CDH19: variants seen among roughly 807,000 people sequenced by gnomAD.
CDH19 encodes cadherin-19.
A neutral mutation model predicts 64.2 loss-of-function variants in CDH19; 67 were observed. The ratio of observed to expected loss-of-function variants is 1.04; its 90% CI spans 0.86 to 1.28. CDH19 has a LOEUF of 1.28. Ranked by LOEUF, CDH19 falls within the 50% of genes most tolerant of loss-of-function variation. CDH19 has a pLI of 0.00. For synonymous variants in CDH19, 346 were observed against 319.3 expected (o/e 1.08, Z -0.89); for missense variants, 1,030 against 929.0 (o/e 1.11, Z -1.41).
At chr18:66,511,794 G>A in intron 9 of CDH19, 109 bp from the exon 10 acceptor site, 1 of 668,110 alleles carries the variant, frequency 1.5e-6, no homozygotes, top group East Asian at 2.8e-5. Flanking sequence ...AATCAATAGG[G>A]ACATTGCAGA....
At chr18:66,548,005 GTAATA>G (rs1987193392) in intron 5 of CDH19, among the ~76,000 whole-genome samples, 2 of 147,014 alleles carry the variant, frequency 1.4e-5, no homozygotes, top group Admixed American at 6.9e-5. Flanking sequence ...TATTATATAT[GTAATA>G]TATGTGCATT....
At chr18:66,533,684 A>G (rs926922702) in intron 8 of CDH19, among the ~76,000 whole-genome samples, 1 of 152,040 alleles carries the variant, frequency 6.6e-6, no homozygotes, top group Non-Finnish European at 1.5e-5. Context: ...TAATTTGGGA[A>G]GCTTTCCAGA....
chr18:66,548,908 A>T (rs1273662998), intron 5 of CDH19, among the ~76,000 whole-genome samples: 1 of 152,182 alleles, frequency 6.6e-6, no homozygotes, highest in Non-Finnish European at 1.5e-5. Flanking sequence ...TTTCGATGTG[A>T]TAGATATGAA....
At chr18:66,543,386 C>G (rs1200252841) in intron 7 of CDH19, among the ~76,000 whole-genome samples, 3 of 152,008 alleles carry the variant, frequency 2.0e-5, no homozygotes, top group Non-Finnish European at 4.4e-5. Flanking sequence ...TTTTAAAAAA[C>G]GATTGTTTTC....
intron 5 of CDH19, among the ~76,000 whole-genome samples, chr18:66,548,767 A>G (rs1205945246): frequency 6.6e-6 from 1 of 152,208 alleles, no homozygotes; most frequent in East Asian, 1.9e-4. Context: ...TATGAACAAT[A>G]TTTTAAATAA....
intron 10 of CDH19, among the ~76,000 whole-genome samples, chr18:66,510,070 C>A (rs576342591): frequency 1.3e-5 from 2 of 151,902 alleles, no homozygotes; most frequent in South Asian, 4.1e-4. Context: ...TCTTGTACCT[C>A]AGAACTGTAT....
At chr18:66,505,425 T>A (rs1209475070) in intron 11 of CDH19, 123 bp from the exon 12 acceptor site, 11 of 750,758 alleles carry the variant, frequency 1.5e-5, no homozygotes, top group Non-Finnish European at 2.0e-5. Context: ...AACAAAAAGA[T>A]ACATTTGTTA....
At chr18:66,513,985 G>C (rs1598969386) in intron 9 of CDH19, among the ~76,000 whole-genome samples, 1 of 151,508 alleles carries the variant, frequency 6.6e-6, no homozygotes, top group East Asian at 1.9e-4. Flanking sequence ...GAATTGAAAA[G>C]TAACTACAAT....
chr18:66,566,106 A>C (rs1987900070), intron 3 of CDH19, among the ~76,000 whole-genome samples: 1 of 151,914 alleles, frequency 6.6e-6, no homozygotes, highest in Non-Finnish European at 1.5e-5. Flanking sequence ...ACTCTGTAAA[A>C]TGGCAGTATT....
chr18:66,533,286 T>G (rs1390869389), intron 8 of CDH19, among the ~76,000 whole-genome samples: 1 of 151,910 alleles, frequency 6.6e-6, no homozygotes, highest in African/African-American at 2.4e-5. Context: ...TTTATCATTT[T>G]GAGACTTTTC....
rs71906099 is a variant in CDH19, at chr18:66,532,490, A to ACACACACACACG, written c.1336+2495_1336+2496insCGTGTGTGTGTG. ...TCCTTCCTTTTCTCAGAGCATTCAT[A>ACACACACACACG]CACACACACACACACACACACACAC... is the stretch of plus-strand genomic sequence containing the variant. On this transcript the variant is annotated intron_variant, in intron 8 of 11. Coordinates refer to ENST00000262150, the MANE Select transcript of CDH19 (RefSeq NM_021153.4). 7 of 72,844 alleles carry ACACACACACACG rather than the reference A, an allele frequency of 9.6e-5. No individual in the cohort carries two copies. The African/African-American group carries it at 1.5e-3, about 15-fold the overall frequency. 4.5% of individuals were successfully genotyped at this position (72,844 alleles called of 1,614,324 possible).
chr18:66,568,705 T>C lies in CDH19; in HGVS notation c.201A>G (p.Arg67=). 6.3e-7 allele frequency: 1 copy of C among 1,594,598 alleles called. No homozygotes were observed. Among genetic ancestry groups the C allele is most frequent in the Non-Finnish European group, 8.5e-7 (1 of 1,172,340 alleles). Residue 67 remains arginine, a synonymous_variant, in exon 3 of 12, where the codon AGA becomes AGG. Coordinates refer to ENST00000262150, the MANE Select transcript of CDH19 (RefSeq NM_021153.4). ...AATTGTTTCCATTGTCTAAATCAGA[T>C]CTTAGCTGCAAATGGAAAGAGGGAT... ...NTTSHHIGQL[R]SDLDNGNNSF...
In CDH19 at chr18:66,600,303, T is replaced by C. The variant is rs1404044596; in HGVS notation, c.-113+3651A>G. The stretch of plus-strand genomic sequence containing the variant: ...TAAAATAATTCCTTACTTTATTTTT[T>C]AAAAATCTGGCAACCCTAAAGTTCT... On this transcript the variant is annotated intron_variant, in intron 1 of 11. Transcript: ENST00000262150. 7.2e-5 allele frequency among the ~76,000 whole-genome samples: 11 copies of C among 152,002 alleles called. No homozygotes were observed. In the East Asian group the frequency reaches 2.1e-3, roughly 29 times the overall value.
At position 66,600,811 on chromosome 18, in the gene CDH19, T is replaced by G. The variant is rs1342353045; in HGVS notation, c.-113+3143A>C. On this transcript the variant is annotated intron_variant, in intron 1 of 11. Transcript: ENST00000262150. ...ATTTGGAGTCAAATCCTCATATGCC[T>G]ACAGGGTTGGGTTATTCTATAAGCA... is the stretch of plus-strand genomic sequence containing the variant. Among the ~76,000 whole-genome samples, 7 of 151,966 alleles carry G rather than the reference T, an allele frequency of 4.6e-5. No homozygotes were observed. The East Asian group carries it at 1.2e-3, about 25-fold the overall frequency.
intron 4 of CDH19, among the ~76,000 whole-genome samples, chr18:66,552,351 T>C (rs954259401): frequency 6.6e-6 from 1 of 152,080 alleles, no homozygotes; most frequent in Non-Finnish European, 1.5e-5. Flanking sequence ...AATGGTAGTA[T>C]TTTTGATTTA....
intron 2 of CDH19, among the ~76,000 whole-genome samples, chr18:66,571,308 C>A (rs556129278): frequency 6.6e-6 from 1 of 151,632 alleles, no homozygotes; most frequent in Non-Finnish European, 1.5e-5. Context: ...AGTGCTTCAC[C>A]CTTTGGGCCC....
At chr18:66,548,261 AT>A (rs1190781687) in intron 5 of CDH19, among the ~76,000 whole-genome samples, 1,927 of 71,266 alleles carry the variant, frequency 0.027, 56 homozygotes, top group African/African-American at 0.083. Flanking sequence ...ATATATATAT[AT>A]TTTTTTAAAA....
chr18:66,593,237 T>G (rs770592675), intron 1 of CDH19, among the ~76,000 whole-genome samples: 3 of 151,890 alleles, frequency 2.0e-5, no homozygotes, highest in Non-Finnish European at 1.5e-5. Context: ...GCAAAATAAA[T>G]AGGAATTGTA....
rs1984973509 is a variant in CDH19, at chr18:66,502,181, TC to T, written c.*2630del. 1 of 152,042 alleles carries T rather than the reference TC, an allele frequency of 6.6e-6. No homozygotes were observed. The highest frequency in any genetic ancestry group is 1.5e-5 in the Non-Finnish European group (1 of 67,968). 9.4% of individuals were successfully genotyped at this position (152,042 alleles called of 1,614,324 possible). A position where few individuals can be genotyped will look rare whatever the true frequency, so the allele number is the denominator to read the frequency against. On this transcript the variant is annotated 3_prime_UTR_variant, in exon 12 of 12. Transcript: ENST00000262150. The stretch of plus-strand genomic sequence containing the variant: ...TATTGAATATAATACAAAGTATAAT[TC>T]CTAGGAAGTTGCACCTTCTGTATTA...
Sources: allele counts gnomAD v4.1 joint callset (sites outside exome capture counted in the v4.1 genomes callset), GRCh38; gene constraint gnomAD v4.1.1; transcripts MANE v1.5; gene names NCBI Gene and HGNC (gene_info 2026-07-23, HGNC 2026-07-21).